ADAMTS9: variants seen among roughly 807,000 people sequenced by gnomAD.
The protein encoded by ADAMTS9 is A disintegrin and metalloproteinase with thrombospondin motifs 9.
Under a neutral mutation model 257.1 loss-of-function variants are expected in ADAMTS9, and 107 were observed. The observed-to-expected ratio is 0.42, with a 90% CI of 0.36 to 0.49. The LOEUF (loss-of-function observed/expected upper bound fraction) is 0.49. Among genes scored for constraint, ADAMTS9 ranks in the 20% least tolerant of loss-of-function variants. The pLI, the probability that ADAMTS9 is intolerant of heterozygous loss-of-function variation, is 0.03. For synonymous variants in ADAMTS9, 982 were observed against 880.9 expected, an observed-to-expected ratio of 1.11 and a Z score of -2.03; for missense variants, 2,353 against 2,469.1, an observed-to-expected ratio of 0.95 and a Z score of 1.00.
chr3:64,618,815 G>T (rs910449956), intron 19 of ADAMTS9, among the ~76,000 whole-genome samples: 7 of 152,050 alleles, frequency 4.6e-5, no homozygotes, highest in Non-Finnish European at 5.9e-5. Context: ...ATCTATTTGA[G>T]ATCTTTTGCA....
At chr3:64,684,050 G>A (rs1457972088) in intron 2 of ADAMTS9, among the ~76,000 whole-genome samples, 1 of 152,148 alleles carries the variant, frequency 6.6e-6, no homozygotes, top group Non-Finnish European at 1.5e-5. Flanking sequence ...TAAATTCCAA[G>A]GCACAAAGGC....
intron 3 of ADAMTS9, among the ~76,000 whole-genome samples, chr3:64,669,122 A>G (rs1288635222): frequency 1.3e-5 from 2 of 152,172 alleles, no homozygotes; most frequent in Non-Finnish European, 2.9e-5. Flanking sequence ...ACCCTGGCCC[A>G]GCTCAGAAAA....
chr3:64,521,467 T>C (rs1029261876), intron 39 of ADAMTS9: 3 of 152,118 alleles, frequency 2.0e-5, no homozygotes, highest in African/African-American at 4.8e-5. Context: ...AAATAAATCA[T>C]TCAACCAAAA....
chr3:64,570,406 A>G (rs138602874), intron 28 of ADAMTS9, among the ~76,000 whole-genome samples: 1 of 152,210 alleles, frequency 6.6e-6, no homozygotes, highest in East Asian at 1.9e-4. Flanking sequence ...GCTATGAGCT[A>G]CAATTATGAG....
chr3:64,578,741 C>T (rs1313940416), intron 28 of ADAMTS9, among the ~76,000 whole-genome samples: 2 of 152,198 alleles, frequency 1.3e-5, no homozygotes, highest in Non-Finnish European at 2.9e-5. Flanking sequence ...CAACTCCATC[C>T]TTTCACTTGT....
chr3:64,519,277 G>C (rs1446977404), intron 39 of ADAMTS9, among the ~76,000 whole-genome samples: 2 of 152,140 alleles, frequency 1.3e-5, no homozygotes, highest in Admixed American at 1.3e-4. Context: ...AGAATTCTCT[G>C]TATTAAAGTT....
At chr3:64,629,985 G>A (rs1700328326) in intron 16 of ADAMTS9, among the ~76,000 whole-genome samples, 1 of 152,198 alleles carries the variant, frequency 6.6e-6, no homozygotes, top group Non-Finnish European at 1.5e-5. Context: ...CAAATGCTTA[G>A]ATTAAGGGCC....
chr3:64,604,591 G>A (rs542923857), intron 23 of ADAMTS9, among the ~76,000 whole-genome samples: 24 of 152,236 alleles, frequency 1.6e-4, no homozygotes, highest in Middle Eastern at 3.4e-3. Flanking sequence ...TTATTCATCC[G>A]TTTGTGTAAA....
At chr3:64,615,926 T>C (rs1160729882) in intron 20 of ADAMTS9, 34 bp downstream of exon 20, 4 of 1,611,002 alleles carry the variant, frequency 2.5e-6, no homozygotes, top group Non-Finnish European at 3.4e-6. Flanking sequence ...TCAGACAGCA[T>C]CCAAGAAGAC....
intron 12 of ADAMTS9, among the ~76,000 whole-genome samples, chr3:64,639,296 T>TTTTG (rs1700577008): frequency 2.1e-5 from 3 of 143,560 alleles, no homozygotes; most frequent in Non-Finnish European, 4.5e-5. Flanking sequence ...GTGGATTGTT[T>TTTTG]TTTTTTTTTT....
chr3:64,577,609 G>A (rs1158519684), intron 28 of ADAMTS9, among the ~76,000 whole-genome samples: 1 of 152,178 alleles, frequency 6.6e-6, no homozygotes, highest in Non-Finnish European at 1.5e-5. Flanking sequence ...GTACTCTCAA[G>A]GTGGACTGTG....
chr3:64,521,848 A>G (rs989804300), intron 39 of ADAMTS9, among the ~76,000 whole-genome samples: 2 of 152,190 alleles, frequency 1.3e-5, no homozygotes, highest in Non-Finnish European at 2.9e-5. Flanking sequence ...TATTTGGGTG[A>G]TGGGTTCAAA....
chr3:64,682,132 T>C (rs1701773510), intron 2 of ADAMTS9, among the ~76,000 whole-genome samples: 1 of 152,180 alleles, frequency 6.6e-6, no homozygotes. Flanking sequence ...TGAAGCCAGA[T>C]TGCCCTAGGT....
intron 37 of ADAMTS9, among the ~76,000 whole-genome samples, chr3:64,537,302 C>T (rs2083063308): frequency 6.6e-6 from 1 of 151,968 alleles, no homozygotes; most frequent in Non-Finnish European, 1.5e-5. Flanking sequence ...CTTAAGCTTC[C>T]CAAAGGATGT....
rs1397311484 is a variant in ADAMTS9, at chr3:64,687,679, C to T, written c.-22G>A. ...GCATGGTGCTTCCCACCCCTCCCTCCGCTGCCCCCACCCCCCTCCCTCCTG... is the reference window on the plus strand; with the variant it reads ...GCATGGTGCTTCCCACCCCTCCCTCTGCTGCCCCCACCCCCCTCCCTCCTG... On this transcript the variant is annotated 5_prime_UTR_variant, in exon 1 of 40. Transcript: ENST00000498707. This position sits in a 1 kb window ranked among gnomAD's most constrained non-coding sequence, Gnocchi z 4.4. 2.7e-6 allele frequency: 4 copies of T among 1,474,088 alleles called. No individual in the cohort carries two copies. The highest frequency in any genetic ancestry group is 3.6e-6 in the Non-Finnish European group (4 of 1,096,662). 91.3% of individuals were successfully genotyped at this position (1,474,088 alleles called of 1,614,324 possible).
chr3:64,599,652 A>G (rs76983894), intron 26 of ADAMTS9, among the ~76,000 whole-genome samples: 2,826 of 152,328 alleles, frequency 0.019, 77 homozygotes, highest in African/African-American at 0.064. Flanking sequence ...AGAATAACTC[A>G]AGAGTGGCAA....
rs13098982 is a variant in ADAMTS9 at position 64,631,361 on chromosome 3, G to C, written c.2389+94C>G. On this transcript the variant is annotated intron_variant, in intron 16 of 39. Transcript: ENST00000498707. ...TTATGAAAATCCATGACATCTGAAA[G>C]CTCTGCCTCTGCATGCCAGAGAAGG... 0.044 allele frequency: 42,885 copies of C among 975,768 alleles called. 1,119 individuals are homozygous for C. Among genetic ancestry groups the C allele is most frequent in the Non-Finnish European group, 0.054 (33,218 of 614,686 alleles). The allele number at this position is 975,768 out of a possible 1,614,324, so 60.4% of individuals were successfully genotyped here.
intron 2 of ADAMTS9, chr3:64,685,146 G>T (rs946095728): frequency 2.0e-5 from 3 of 152,238 alleles, no homozygotes; most frequent in African/African-American, 7.2e-5. Flanking sequence ...GGCTCCGGGC[G>T]CTTTGCTGGG....
chr3:64,657,344 T>A (rs1332446900), intron 4 of ADAMTS9, among the ~76,000 whole-genome samples: 1 of 152,202 alleles, frequency 6.6e-6, no homozygotes, highest in African/African-American at 2.4e-5. Context: ...TATATTTTAC[T>A]TTTTCTTTTT....
Sources: allele counts gnomAD v4.1 joint callset (sites outside exome capture counted in the v4.1 genomes callset), GRCh38; gene constraint gnomAD v4.1.1; non-coding constraint Gnocchi (gnomAD v3.1); transcripts MANE v1.5; gene names NCBI Gene and HGNC (gene_info 2026-07-23, HGNC 2026-07-21).